Variants in NSRP1 observed in about 807,000 individuals in gnomAD.
NSRP1 encodes the protein coiled-coil domain containing 55.
In NSRP1, 24 loss-of-function variants were observed where a neutral mutation model predicts 54.7. The observed-to-expected ratio is 0.44, with a 90% CI of 0.32 to 0.62. The LOEUF is 0.62. Among genes scored for constraint, NSRP1 ranks in the 20% least tolerant of loss-of-function variants. The pLI is 0.06. For synonymous variants in NSRP1, 210 were observed against 213.8 expected, an observed-to-expected ratio of 0.98 and a Z score of 0.15; for missense variants, 596 against 651.2, an observed-to-expected ratio of 0.92 and a Z score of 0.92.
intron 2 of NSRP1, chr17:30,122,365 A>G (rs866298694): frequency 0.023 from 395 of 16,848 alleles, 8 homozygotes; most frequent in African/African-American, 0.057. Flanking sequence ...ATATATATAT[A>G]TATATATATA....
chr17:30,148,921 C>G (rs1005268823), intron 2 of NSRP1, among the ~76,000 whole-genome samples: 1 of 152,186 alleles, frequency 6.6e-6, no homozygotes, highest in African/African-American at 2.4e-5. Context: ...AAATAACTAG[C>G]CTTTGATTTT....
In NSRP1 at chr17:30,184,495, A is replaced by G. The variant is rs183315848; in HGVS notation, c.618-120A>G. ...TTTTGCATTTGGATAATCAGACAGT[A>G]TATATCACTATAGGTGTATTGATTT... On this transcript the variant is annotated intron_variant, in intron 6 of 6. Transcript: ENST00000247026. 246 of 1,284,638 alleles carry G rather than the reference A, an allele frequency of 1.9e-4. 1 individual carries two copies. The Admixed American group carries it at 2.5e-3, about 13-fold the overall frequency. 79.6% of individuals were successfully genotyped at this position (1,284,638 alleles called of 1,614,324 possible). A position where few individuals can be genotyped will look rare whatever the true frequency, so the allele number is the denominator to read the frequency against.
intron 2 of NSRP1, among the ~76,000 whole-genome samples, chr17:30,120,653 T>C (rs1473056566): frequency 6.6e-6 from 1 of 152,230 alleles, no homozygotes; most frequent in Non-Finnish European, 1.5e-5. Context: ...ACTAATATAC[T>C]GAGGATTCCT....
At chr17:30,136,118 C>T (rs2151884210) in intron 2 of NSRP1, among the ~76,000 whole-genome samples, 1 of 152,166 alleles carries the variant, frequency 6.6e-6, no homozygotes, top group South Asian at 2.1e-4. Context: ...GAGGCTGAGG[C>T]AGGAGAATTG....
chr17:30,140,520 C>CT (rs10608409), intron 2 of NSRP1, among the ~76,000 whole-genome samples: 702 of 50,322 alleles, frequency 0.014, 131 homozygotes, highest in African/African-American at 0.045. Flanking sequence ...TCAGATTTTA[C>CT]TTTTTTTTTT....
chr17:30,172,741 G>A lies in NSRP1; in HGVS notation c.171+143G>A, dbSNP rs569445538. 2.0e-5 allele frequency: 11 copies of A among 556,026 alleles called. No individual in the cohort carries two copies. In the African/African-American group the frequency reaches 2.1e-4, roughly 11 times the overall value. 34.4% of individuals were successfully genotyped at this position (556,026 alleles called of 1,614,324 possible). On this transcript the variant is annotated intron_variant, in intron 3 of 6. Coordinates refer to ENST00000247026, the MANE Select transcript of NSRP1 (RefSeq NM_032141.4). ...TGAAGAATTAGCTCCTTATTGCTGT[G>A]CTATAGATTAAACCAGTTCTGCTTG...
At chr17:30,131,443 AAT>A (rs937123376) in intron 2 of NSRP1, among the ~76,000 whole-genome samples, 1 of 152,214 alleles carries the variant, frequency 6.6e-6, no homozygotes, top group Non-Finnish European at 1.5e-5. Context: ...CAATAAAGTA[AAT>A]ATCTCAGTAA....
chr17:30,180,635 T>C (rs1325642172), intron 5 of NSRP1, among the ~76,000 whole-genome samples: 3 of 152,222 alleles, frequency 2.0e-5, no homozygotes, highest in Non-Finnish European at 2.9e-5. Flanking sequence ...ATTCATACTT[T>C]AGGGCTTTTT....
chr17:30,181,616 T>TTTTGTTTTGTTTCG (rs1905301482), intron 6 of NSRP1, among the ~76,000 whole-genome samples: 1 of 146,440 alleles, frequency 6.8e-6, no homozygotes, highest in Non-Finnish European at 1.5e-5. Flanking sequence ...TTTTGTTTTT[T>TTTTGTTTTGTTTCG]TTTTTTTTAG....
chr17:30,137,254 A>G (rs2071758603), intron 2 of NSRP1, among the ~76,000 whole-genome samples: 1 of 152,210 alleles, frequency 6.6e-6, no homozygotes, highest in Non-Finnish European at 1.5e-5. Flanking sequence ...CATCTTATTT[A>G]CAACTATTCG....
chr17:30,181,597 G>GTTTTT (rs35525133), intron 6 of NSRP1, among the ~76,000 whole-genome samples: 1 of 135,370 alleles, frequency 7.4e-6, no homozygotes. Flanking sequence ...TGTGTGTGTG[G>GTTTTT]TTTTTTTTTT....
In NSRP1 at chr17:30,122,349, T is replaced by TGTGTGTATA. The variant is rs1481107161; in HGVS notation, c.114+4176_114+4177insGTGTGTATA. The stretch of plus-strand genomic sequence containing the variant: ...TTTCTGGTTCATATGATAACTCTGG[T>TGTGTGTATA]TTCATATATATATATATATATATAT... On this transcript the variant is annotated intron_variant, in intron 2 of 6. Coordinates refer to ENST00000247026, the MANE Select transcript of NSRP1 (RefSeq NM_032141.4). 226 of 72,284 alleles carry TGTGTGTATA rather than the reference T, an allele frequency of 3.1e-3. 4 individuals carry two copies. The highest frequency in any genetic ancestry group is 0.012 in the African/African-American group (205 of 17,588). The allele number at this position is 72,284 out of a possible 1,614,324, so 4.5% of individuals were successfully genotyped here. A position where few individuals can be genotyped will look rare whatever the true frequency, so the allele number is the denominator to read the frequency against.
At chr17:30,135,455 T>C (rs2071741459) in intron 2 of NSRP1, among the ~76,000 whole-genome samples, 1 of 150,400 alleles carries the variant, frequency 6.6e-6, no homozygotes, top group South Asian at 2.1e-4. Context: ...TAGGGTGTTG[T>C]TGGCACCAGT....
intron 2 of NSRP1, among the ~76,000 whole-genome samples, chr17:30,124,834 A>G (rs1034192562): frequency 1.3e-5 from 2 of 152,198 alleles, no homozygotes; most frequent in Non-Finnish European, 2.9e-5. Flanking sequence ...CCTTACCTAT[A>G]AAAAAATCAG....
chr17:30,164,509 AC>A (rs1027507198), intron 2 of NSRP1, among the ~76,000 whole-genome samples: 1 of 152,154 alleles, frequency 6.6e-6, no homozygotes, highest in Admixed American at 6.5e-5. Flanking sequence ...ATTAGAAGGC[AC>A]CATTGGCTGA....
intron 2 of NSRP1, among the ~76,000 whole-genome samples, chr17:30,155,385 C>G (rs2071952170): frequency 6.6e-6 from 1 of 152,142 alleles, no homozygotes; most frequent in African/African-American, 2.4e-5. Context: ...TATTTATCCT[C>G]TGTCCTCTTT....
At chr17:30,152,354 A>G (rs1182340387) in intron 2 of NSRP1, among the ~76,000 whole-genome samples, 2 of 149,088 alleles carry the variant, frequency 1.3e-5, no homozygotes, top group Non-Finnish European at 3.0e-5. Context: ...TCCTGACCTC[A>G]TGATCTGCCC....
intron 3 of NSRP1, among the ~76,000 whole-genome samples, chr17:30,174,894 G>A (rs1450179272): frequency 6.6e-6 from 1 of 152,178 alleles, no homozygotes; most frequent in Non-Finnish European, 1.5e-5. Flanking sequence ...GAGTTTTTAA[G>A]TATTGAAGAT....
At chr17:30,171,123 A>G (rs571320320) in intron 2 of NSRP1, among the ~76,000 whole-genome samples, 2 of 151,680 alleles carry the variant, frequency 1.3e-5, no homozygotes, top group South Asian at 2.1e-4. Flanking sequence ...ACTACTTCCT[A>G]TCTTCCTCTT....
Sources: gnomAD v4.1 joint callset for allele counts (sites outside exome capture counted in the v4.1 genomes callset) on GRCh38, gnomAD v4.1.1 for gene constraint, MANE v1.5 for transcripts, NCBI Gene and HGNC (gene_info 2026-07-23, HGNC 2026-07-21) for gene names.